SCNN1A: variants seen among roughly 807,000 people sequenced by gnomAD.
The protein encoded by SCNN1A is sodium channel epithelial 1 subunit alpha.
In SCNN1A, 65 loss-of-function variants were observed where a neutral mutation model predicts 68.6. That is an observed-to-expected ratio of 0.95 (90% confidence interval 0.78 to 1.16). The LOEUF is 1.16. Among genes scored for constraint, SCNN1A ranks in the 50% most tolerant of loss-of-function variants. The pLI, the probability that SCNN1A is intolerant of heterozygous loss-of-function variation, is 0.00. For synonymous variants in SCNN1A, 357 were observed against 353.3 expected, an observed-to-expected ratio of 1.01 and a Z score of -0.12; for missense variants, 880 against 865.9, an observed-to-expected ratio of 1.02 and a Z score of -0.20.
In SCNN1A at chr12:6,374,246, G is replaced by A; in HGVS notation, c.416+122C>T. ...ATTTTGCCAGCAGTGAGCTCTACCT[G>A]GGACAGGGGTGTCAGTTCCCACCCT... On this transcript the variant is annotated intron_variant, in intron 2 of 12. Coordinates refer to ENST00000228916, the MANE Select transcript of SCNN1A (RefSeq NM_001038.6). This position sits in a 1 kb window ranked among gnomAD's most constrained non-coding sequence, Gnocchi z 6.2. 9.0e-7 allele frequency: 1 copy of A among 1,105,350 alleles called. No homozygotes were observed. The highest frequency in any genetic ancestry group is 1.3e-6 in the Non-Finnish European group (1 of 765,340). The allele number at this position is 1,105,350 out of a possible 1,614,324, so 68.5% of individuals were successfully genotyped here.
chr12:6,374,819 G>C lies in SCNN1A; in HGVS notation c.-36C>G. 6.2e-7 allele frequency: 1 copy of C among 1,614,070 alleles called. No individual in the cohort carries two copies. The highest frequency in any genetic ancestry group is 8.5e-7 in the Non-Finnish European group (1 of 1,180,002). ...ATGGGCTGCAGAGGTCTAGGGTCCT[G>C]CTCCTCCAGCTTGTTCCCCTTCATG... On this transcript the variant is annotated 5_prime_UTR_variant, in exon 2 of 13. Coordinates refer to ENST00000228916, the MANE Select transcript of SCNN1A (RefSeq NM_001038.6). This position sits in a 1 kb window ranked among gnomAD's most constrained non-coding sequence, Gnocchi z 6.2.
At chr12:6,360,589 C>A (rs555023012) in intron 4 of SCNN1A, among the ~76,000 whole-genome samples, 1 of 152,232 alleles carries the variant, frequency 6.6e-6, no homozygotes, top group Non-Finnish European at 1.5e-5. Flanking sequence ...AAAAACAGAA[C>A]AAAATCGTGT....
intron 2 of SCNN1A, among the ~76,000 whole-genome samples, chr12:6,369,597 C>T (rs886582488): frequency 1.3e-5 from 2 of 152,098 alleles, no homozygotes; most frequent in Non-Finnish European, 2.9e-5. Context: ...CTTTGGGAGG[C>T]CGAGGATGGT....
At chr12:6,362,322 A>T in intron 3 of SCNN1A, 81 bp from the exon 4 acceptor site, 1 of 1,254,926 alleles carries the variant, frequency 8.0e-7, no homozygotes, top group Admixed American at 1.7e-5. Context: ...AGAATGAGTG[A>T]TCTGGGGTTC....
At chr12:6,349,430 T>C in intron 8 of SCNN1A, 25 bp from the exon 9 acceptor site, 1 of 1,531,106 alleles carries the variant, frequency 6.5e-7, no homozygotes, top group Non-Finnish European at 8.9e-7. Flanking sequence ...AGATGCCTGT[T>C]CTCCTAGGGC....
rs748445983 is a variant in SCNN1A, at chr12:6,347,885, C to T, written c.1998G>A (p.Leu666=). 6.2e-7 allele frequency: 1 copy of T among 1,602,432 alleles called. No homozygotes were observed. Among genetic ancestry groups the T allele is most frequent in the Non-Finnish European group, 8.5e-7 (1 of 1,174,928 alleles). The part of the protein sequence containing the change: ...SAGASSSTCP[L]GGP ...CTCTCCTTCCCTCTCAGGGCCCCCC[C>T]AGAGGACAGGTGGAGGAACTGGCCC... is the stretch of plus-strand genomic sequence containing the variant. Residue 666 remains leucine (L), a synonymous_variant, in exon 13 of 13, where the codon CTG becomes CTA. Transcript: ENST00000228916.
At chr12:6,376,315 C>A (rs1038596699), upstream of SCNN1A, 1 of 318,724 alleles carries the variant, frequency 3.1e-6, no homozygotes, top group African/African-American at 2.2e-5. Context: ...TAGGCGGGGC[C>A]CTAGGACATT....
rs12304937 is a variant in SCNN1A, at chr12:6,349,537, G to A, written c.1361-132C>T. ...ATTTAGCATTATAATGATGCCTTAT[G>A]AGTGGCAGTACCAAGAAGCGTTTAA... On this transcript the variant is annotated intron_variant, in intron 8 of 12. Transcript: ENST00000228916. The A allele has an allele frequency of 0.055, 39,570 of 718,248 alleles. 4,527 individuals carry two copies. The highest frequency in any genetic ancestry group is 0.37 in the African/African-American group (21,329 of 57,244). The allele number at this position is 718,248 out of a possible 1,614,324, so 44.5% of individuals were successfully genotyped here. A position where few individuals can be genotyped will look rare whatever the true frequency, so the allele number is the denominator to read the frequency against.
intron 2 of SCNN1A, among the ~76,000 whole-genome samples, chr12:6,369,874 C>T (rs999315237): frequency 1.3e-5 from 2 of 151,888 alleles, no homozygotes; most frequent in South Asian, 2.1e-4. Context: ...TCCATGACCC[C>T]GTGATACTAG....
At position 6,351,083 on chromosome 12, in the gene SCNN1A, A is replaced by G. The variant is rs1241928964; in HGVS notation, c.1361-1678T>C. Among the ~76,000 whole-genome samples the G allele has an allele frequency of 6.6e-6, 1 of 152,182 alleles. No individual in the cohort carries two copies. Among genetic ancestry groups the G allele is most frequent in the Non-Finnish European group, 1.5e-5 (1 of 68,034 alleles). On this transcript the variant is annotated intron_variant, in intron 8 of 12. Coordinates refer to ENST00000228916, the MANE Select transcript of SCNN1A (RefSeq NM_001038.6). This position sits in a 1 kb window ranked among gnomAD's most constrained non-coding sequence, Gnocchi z 4.2. Reference sequence around the variant, plus strand: ...ATGGAAAACATGCGTCCACACAAAAACTTGTACACAAATGCTCACAGCAGC... The same window carrying G: ...ATGGAAAACATGCGTCCACACAAAAGCTTGTACACAAATGCTCACAGCAGC...
intron 3 of SCNN1A, among the ~76,000 whole-genome samples, chr12:6,362,893 G>A (rs1948603984): frequency 6.7e-6 from 1 of 150,126 alleles, no homozygotes; most frequent in Admixed American, 6.7e-5. Context: ...ATGTTGACCA[G>A]GCTGGTCTAA....
rs1565488885 is a variant in SCNN1A at position 6,374,864 on chromosome 12, G to C, written c.-54-27C>G. On this transcript the variant is annotated intron_variant, in intron 1 of 12. Transcript: ENST00000228916. The surrounding 1 kb of genome is among the most constrained non-coding windows in gnomAD (Gnocchi z 6.2). ...TTCATGAGCCCCGGAGTGGATTGGG[G>C]AGAGCAAGGGTCAGGGTCAAGGCTG... The C allele has an allele frequency of 2.5e-6, 4 of 1,614,080 alleles. No homozygotes were observed. The highest frequency in any genetic ancestry group is 2.5e-6 in the Non-Finnish European group (3 of 1,180,006).
rs931090568 is a variant in SCNN1A, at chr12:6,374,708, G to A, written c.76C>T (p.Arg26Cys). 5.6e-6 allele frequency: 9 copies of A among 1,613,982 alleles called. No individual in the cohort carries two copies. The highest frequency in any genetic ancestry group is 1.6e-4 in the Middle Eastern group (1 of 6,084). ...STPGLMKGNK[R>C]EEQGLGPEPA... ...TCGGGGCCCAGCCCCTGCTCCTCACGCTTGTTCCCCTTCATGAGCCCTGGA... is the reference window on the plus strand; with the variant it reads ...TCGGGGCCCAGCCCCTGCTCCTCACACTTGTTCCCCTTCATGAGCCCTGGA... The change falls in exon 2 of 13, where the codon CGT becomes TGT. Residue 26 changes from arginine to cysteine, a missense_variant. Coordinates refer to ENST00000228916, the MANE Select transcript of SCNN1A (RefSeq NM_001038.6). The surrounding 1 kb of genome is among the most constrained non-coding windows in gnomAD (Gnocchi z 6.2).
chr12:6,347,615 T>C lies in SCNN1A; in HGVS notation c.*258A>G, dbSNP rs1203806441. The C allele has an allele frequency of 1.7e-5, 9 of 514,704 alleles. No homozygotes were observed. The Admixed American group carries it at 1.9e-4, about 11-fold the overall frequency. 31.9% of individuals were successfully genotyped at this position (514,704 alleles called of 1,614,324 possible). On this transcript the variant is annotated 3_prime_UTR_variant, in exon 13 of 13. Transcript: ENST00000228916. Reference sequence around the variant, plus strand: ...AAGGGAAAAAGAGACTTAGCCGCAGTTGGGTGGGGAAACCAGAGTGTTCAG... The same window carrying C: ...AAGGGAAAAAGAGACTTAGCCGCAGCTGGGTGGGGAAACCAGAGTGTTCAG...
intron 2 of SCNN1A, among the ~76,000 whole-genome samples, chr12:6,369,396 C>G (rs895206719): frequency 6.6e-6 from 1 of 152,096 alleles, no homozygotes; most frequent in African/African-American, 2.4e-5. Context: ...ACTGATGAGC[C>G]CCCCCACTGA....
rs1277917682 is a variant in SCNN1A, at chr12:6,374,497, C to A, written c.287G>T (p.Gly96Val). The change falls in exon 2 of 13, where the codon GGC becomes GTC. Residue 96 changes from glycine to valine, a missense_variant. This residue lies in a region of SCNN1A where 45 missense variants were observed against 76.7 expected (regional missense o/e 0.59). Transcript: ENST00000228916. This position sits in a 1 kb window ranked among gnomAD's most constrained non-coding sequence, Gnocchi z 6.2. ...CAGGCCGAATTGCCAGTACATCATG[C>A]CAAAGGTGCAGAGCCACAGCACTGC... ...FWAVLWLCTF[G>V]MMYWQFGLLF... The A allele has an allele frequency of 1.2e-6, 2 of 1,614,212 alleles. No homozygotes were observed. The highest frequency in any genetic ancestry group is 3.3e-5 in the Admixed American group (2 of 60,036).
At position 6,375,521 on chromosome 12, in the gene SCNN1A, C is replaced by T; in HGVS notation, c.-71G>A. On this transcript the variant is annotated 5_prime_UTR_variant, in exon 1 of 13. Coordinates refer to ENST00000228916, the MANE Select transcript of SCNN1A (RefSeq NM_001038.6). The stretch of plus-strand genomic sequence containing the variant: ...CCCCCTCACCTGACAGGTGCAGCGG[C>T]CTGGCTGGGGAGCCCGCCCGCTGGC... 1 of 1,535,458 alleles carries T rather than the reference C, an allele frequency of 6.5e-7. No homozygotes were observed. Among genetic ancestry groups the T allele is most frequent in the Non-Finnish European group, 8.7e-7 (1 of 1,146,760 alleles).
intron 4 of SCNN1A, among the ~76,000 whole-genome samples, chr12:6,361,848 C>T (rs1250757160): frequency 6.6e-6 from 1 of 152,256 alleles, no homozygotes; most frequent in Non-Finnish European, 1.5e-5. Flanking sequence ...CCCTCAGATC[C>T]AGCAGTGCAG....
In SCNN1A at chr12:6,348,811, T is replaced by G; in HGVS notation, c.1554-9A>C. The G allele has an allele frequency of 6.2e-7, 1 of 1,613,448 alleles. No homozygotes were observed. Among genetic ancestry groups the G allele is most frequent in the Non-Finnish European group, 8.5e-7 (1 of 1,179,594 alleles). On this transcript the variant is annotated splice_polypyrimidine_tract_variant and intron_variant, in intron 11 of 12. Transcript: ENST00000228916. ...CTTTGGCCACTCCATTTCTTAGGTG[T>G]GGGGCAGAGGGTGGGAAGAAATGGT... is the stretch of plus-strand genomic sequence containing the variant.
Sources: gnomAD v4.1 joint callset for allele counts (sites outside exome capture counted in the v4.1 genomes callset) on GRCh38, gnomAD v4.1.1 for gene constraint, gnomAD v4.1.1 regional missense constraint, Gnocchi (gnomAD v3.1) non-coding constraint, MANE v1.5 for transcripts, NCBI Gene and HGNC (gene_info 2026-07-23, HGNC 2026-07-21) for gene names.